The following CTNND2 variants were observed in gnomAD, a reference collection of about 807,000 sequenced individuals.
The protein encoded by CTNND2 is catenin delta-2.
Under a neutral mutation model 144.4 loss-of-function variants are expected in CTNND2, and 22 were observed. That is an observed-to-expected ratio of 0.15 (90% CI 0.11 to 0.22). CTNND2 has a LOEUF of 0.22. Ranked by LOEUF, CTNND2 falls within the 10% of genes least tolerant of loss-of-function variation. The probability of loss-of-function intolerance (pLI) is 1.00; values close to 1 mark genes in which losing one functional copy is unlikely to be tolerated. For synonymous variants in CTNND2, 751 were observed against 695.6 expected (o/e 1.08, Z -1.25); for missense variants, 1,353 against 1,618.8 (o/e 0.84, Z 2.82).
intron 6 of CTNND2, among the ~76,000 whole-genome samples, chr5:11,393,044 T>A (rs971035948): frequency 6.6e-6 from 1 of 152,178 alleles, no homozygotes; most frequent in African/African-American, 2.4e-5. Flanking sequence ...ATAAGCAATG[T>A]TCCAAACACA....
chr5:11,184,893 T>C (rs1313211727), intron 11 of CTNND2, among the ~76,000 whole-genome samples: 6 of 152,156 alleles, frequency 3.9e-5, no homozygotes, highest in Non-Finnish European at 8.8e-5. Flanking sequence ...CCAGACTGTT[T>C]GAACCCGCAG....
intron 11 of CTNND2, among the ~76,000 whole-genome samples, chr5:11,191,169 C>T (rs1231764275): frequency 7.2e-5 from 11 of 152,192 alleles, no homozygotes; most frequent in Admixed American, 6.5e-4. Context: ...CTTGAAGGCG[C>T]AGCAGGTTCC....
chr5:11,475,102 C>T (rs1164239041), intron 3 of CTNND2, among the ~76,000 whole-genome samples: 2 of 152,222 alleles, frequency 1.3e-5, no homozygotes, highest in Non-Finnish European at 2.9e-5. Context: ...GGTATTACCG[C>T]CATTCTCTTC....
chr5:11,642,900 T>C (rs1782141796), intron 2 of CTNND2, among the ~76,000 whole-genome samples: 1 of 152,216 alleles, frequency 6.6e-6, no homozygotes, highest in Non-Finnish European at 1.5e-5. Flanking sequence ...CTTCCTGCTA[T>C]GTGGTCAATC....
intron 1 of CTNND2, among the ~76,000 whole-genome samples, chr5:11,895,930 T>C (rs1222098345): frequency 6.6e-6 from 1 of 152,214 alleles, no homozygotes; most frequent in Admixed American, 6.5e-5. Context: ...TTAGAAGTTT[T>C]ATTTTTCTCA....
At chr5:11,418,549 C>A (rs1325932767) in intron 3 of CTNND2, among the ~76,000 whole-genome samples, 1 of 152,084 alleles carries the variant, frequency 6.6e-6, no homozygotes, top group African/African-American at 2.4e-5. Flanking sequence ...ATCATTGATG[C>A]CTTACAAGAA....
chr5:11,325,068 T>A (rs1247115862), intron 9 of CTNND2, among the ~76,000 whole-genome samples: 1 of 152,138 alleles, frequency 6.6e-6, no homozygotes, highest in Admixed American at 6.5e-5. Context: ...CTTCATTTCC[T>A]TTCTTGTTTC....
At chr5:11,484,087 C>T (rs1363497694) in intron 3 of CTNND2, among the ~76,000 whole-genome samples, 3 of 152,190 alleles carry the variant, frequency 2.0e-5, no homozygotes, top group African/African-American at 4.8e-5. Context: ...TCAAGGTTCT[C>T]GTAGCCCAAC....
chr5:11,335,830 C>A (rs1182647578), intron 9 of CTNND2, among the ~76,000 whole-genome samples: 1 of 152,118 alleles, frequency 6.6e-6, no homozygotes, highest in Non-Finnish European at 1.5e-5. Context: ...TTTCCACAAC[C>A]AATCAGACTG....
intron 2 of CTNND2, among the ~76,000 whole-genome samples, chr5:11,695,333 T>C (rs1431288631): frequency 1.3e-5 from 2 of 152,168 alleles, no homozygotes; most frequent in Admixed American, 1.3e-4. Context: ...CTCTGATCTA[T>C]TGTTCAGTGG....
At chr5:11,710,558 G>T (rs75465905) in intron 2 of CTNND2, among the ~76,000 whole-genome samples, 1 of 141,090 alleles carries the variant, frequency 7.1e-6, no homozygotes, top group African/African-American at 2.6e-5. Context: ...AAAAAAAAAA[G>T]ACAGAAAGAA....
At chr5:11,656,865 T>C (rs1465712996) in intron 2 of CTNND2, among the ~76,000 whole-genome samples, 1 of 152,100 alleles carries the variant, frequency 6.6e-6, no homozygotes, top group East Asian at 1.9e-4. Flanking sequence ...TTACAATCAC[T>C]TTCGGCCAGA....
intron 3 of CTNND2, among the ~76,000 whole-genome samples, chr5:11,462,700 G>A (rs1337267990): frequency 3.9e-5 from 6 of 152,020 alleles, no homozygotes; most frequent in Middle Eastern, 3.4e-3. Context: ...TGGGGTGCTC[G>A]AAAGTAACTT....
chr5:11,232,470 G>C (rs563557439), intron 10 of CTNND2, among the ~76,000 whole-genome samples: 2 of 152,236 alleles, frequency 1.3e-5, no homozygotes, highest in Non-Finnish European at 2.9e-5. Context: ...AGTCAAAGGA[G>C]ATCATTTTGG....
At chr5:11,723,924 C>T (rs1420851102) in intron 2 of CTNND2, among the ~76,000 whole-genome samples, 4 of 151,918 alleles carry the variant, frequency 2.6e-5, no homozygotes, top group African/African-American at 7.3e-5. Flanking sequence ...GGCGTAGTGG[C>T]GGGCACCTGT....
chr5:11,384,854 G>A lies in CTNND2; in HGVS notation c.988C>T (p.Arg330Cys). The A allele has an allele frequency of 6.2e-7, 1 of 1,612,810 alleles. No individual in the cohort carries two copies. The highest frequency in any genetic ancestry group is 8.5e-7 in the Non-Finnish European group (1 of 1,179,624). ...TGCACGGTGGGGGGCGAGGTCACGCGGATCGGGGACAGGCCGGCCGAGGAC... is the reference window on the plus strand; with the variant it reads ...TGCACGGTGGGGGGCGAGGTCACGCAGATCGGGGACAGGCCGGCCGAGGAC... Reference protein sequence around the residue: ...VVSSAGLSPIRVTSPPTVQST... With the variant: ...VVSSAGLSPICVTSPPTVQST... Residue 330 changes from arginine (R) to cysteine (C), a missense_variant, in exon 7 of 22, where the codon CGC becomes TGC. Arg to Cys is a radical substitution (Grantham distance 180). Around this residue, in one of 4 missense-constraint regions of CTNND2, gnomAD observed 708 missense variants for 706.4 expected, o/e 1.00. Coordinates refer to ENST00000304623, the MANE Select transcript of CTNND2 (RefSeq NM_001332.4). The surrounding 1 kb of genome is among the most constrained non-coding windows in gnomAD (Gnocchi z 5.2).
intron 3 of CTNND2, among the ~76,000 whole-genome samples, chr5:11,450,106 C>T (rs1480327304): frequency 6.6e-6 from 1 of 152,206 alleles, no homozygotes; most frequent in African/African-American, 2.4e-5. Context: ...CCTCACCTTT[C>T]TCAGATCTTG....
intron 10 of CTNND2, among the ~76,000 whole-genome samples, chr5:11,218,712 T>C (rs1278771867): frequency 6.6e-6 from 1 of 152,196 alleles, no homozygotes; most frequent in Non-Finnish European, 1.5e-5. Flanking sequence ...ATCTATAAAG[T>C]CAACCCAGAA....
At chr5:11,894,477 T>G (rs992198219) in intron 1 of CTNND2, among the ~76,000 whole-genome samples, 5 of 152,206 alleles carry the variant, frequency 3.3e-5, no homozygotes, top group Non-Finnish European at 4.4e-5. Flanking sequence ...ACTATGGAAG[T>G]GGGCATTTTA....
Sources: allele counts gnomAD v4.1 joint callset (sites outside exome capture counted in the v4.1 genomes callset), GRCh38; gene constraint gnomAD v4.1.1; regional missense constraint gnomAD v4.1.1; non-coding constraint Gnocchi (gnomAD v3.1); transcripts MANE v1.5; gene names NCBI Gene and HGNC (gene_info 2026-07-23, HGNC 2026-07-21).